Variants in PLEK observed in about 807,000 individuals in gnomAD.
PLEK encodes the protein platelet 47 kDa protein.
PLEK carries 25 observed loss-of-function variants against 43.9 expected under a neutral mutation model. The ratio of observed to expected loss-of-function variants is 0.57; its 90% CI spans 0.41 to 0.79. PLEK has a LOEUF of 0.79. Among genes scored for constraint, PLEK ranks in the 30% least tolerant of loss-of-function variants. The pLI, the probability that PLEK is intolerant of heterozygous loss-of-function variation, is 0.00. For missense variants in PLEK, 396 were observed against 413.3 expected, an observed-to-expected ratio of 0.96 and a Z score of 0.36; for synonymous variants, 152 against 144.4, an observed-to-expected ratio of 1.05 and a Z score of -0.38.
intron 4 of PLEK, among the ~76,000 whole-genome samples, chr2:68,384,912 G>A (rs1241778688): frequency 6.6e-6 from 1 of 152,176 alleles, no homozygotes; most frequent in Admixed American, 6.5e-5. Context: ...AAGAAGAAAT[G>A]CAGTGTCACT....
chr2:68,370,718 T>C (rs1338616154), intron 1 of PLEK, among the ~76,000 whole-genome samples: 1 of 152,166 alleles, frequency 6.6e-6, no homozygotes, highest in African/African-American at 2.4e-5. Context: ...ACTCTTAACC[T>C]CAAGTGATCC....
At chr2:68,377,531 G>A (rs1018075342) in intron 1 of PLEK, among the ~76,000 whole-genome samples, 4 of 152,120 alleles carry the variant, frequency 2.6e-5, no homozygotes, top group African/African-American at 9.7e-5. Context: ...GTGATGTTGA[G>A]CACCTTTTCA....
Position 68,386,640 on chromosome 2 carries a change from C to T in PLEK, c.611C>T (p.Thr204Ile), listed in dbSNP as rs1183596398. ...ATGTCCAAGAGTGCAGTGGATGGAA[C>T]TGCTGAAAACCCTTTCCTGGACAAC... Reference protein sequence around the residue: ...GDMSKSAVDGTAENPFLDNPD... With the variant: ...GDMSKSAVDGIAENPFLDNPD... Residue 204 changes from threonine to isoleucine, a missense_variant, in exon 5 of 9, where the codon ACT (threonine) becomes ATT (isoleucine). Thr to Ile is a moderately conservative substitution (Grantham distance 89). Coordinates refer to ENST00000234313, the MANE Select transcript of PLEK (RefSeq NM_002664.3). The T allele has an allele frequency of 3.1e-6, 5 of 1,613,912 alleles. No individual in the cohort carries two copies. The highest frequency in any genetic ancestry group is 3.4e-6 in the Non-Finnish European group (4 of 1,179,808).
chr2:68,391,596 C>G (rs17035420), intron 6 of PLEK, among the ~76,000 whole-genome samples: 29,034 of 152,154 alleles, frequency 0.19, 3,413 homozygotes, highest in African/African-American at 0.34. Context: ...AGTTCCTTCA[C>G]CAAATGTTTT....
At chr2:68,365,539 T>C (rs578120974) in intron 1 of PLEK, 146 bp downstream of exon 1, 1 of 672,404 alleles carries the variant, frequency 1.5e-6, no homozygotes, top group East Asian at 2.8e-5. Flanking sequence ...GCACATAGAA[T>C]GTTGGAGTGG....
At chr2:68,384,756 G>A (rs546910176) in intron 4 of PLEK, among the ~76,000 whole-genome samples, 46 of 152,238 alleles carry the variant, frequency 3.0e-4, no homozygotes, top group Non-Finnish European at 5.3e-4. Context: ...TGGATGCAAG[G>A]GTTAGAACAC....
chr2:68,365,285 C>T lies in PLEK; in HGVS notation c.-67C>T. The T allele has an allele frequency of 1.4e-6, 2 of 1,399,412 alleles. No individual in the cohort carries two copies. Among genetic ancestry groups the T allele is most frequent in the Non-Finnish European group, 1.0e-6 (1 of 986,468 alleles). 86.7% of individuals were successfully genotyped at this position (1,399,412 alleles called of 1,614,324 possible). ...GGCGGCCCACAGCCACCTCAGCATG[C>T]AGAGGAGGCCCAGCTGCTGAGAGGA... On this transcript the variant is annotated 5_prime_UTR_variant, in exon 1 of 9. It introduces an in-frame stop codon into an upstream open reading frame of the 5' UTR. Coordinates refer to ENST00000234313, the MANE Select transcript of PLEK (RefSeq NM_002664.3).
intron 6 of PLEK, among the ~76,000 whole-genome samples, chr2:68,392,849 C>A (rs1867312): frequency 0.58 from 88,675 of 152,034 alleles, 26,309 homozygotes; most frequent in East Asian, 0.86. Flanking sequence ...GCATCTTAAA[C>A]CTCTTTATTC....
intron 4 of PLEK, among the ~76,000 whole-genome samples, chr2:68,384,812 C>G (rs1673704254): frequency 1.3e-5 from 2 of 152,204 alleles, no homozygotes; most frequent in Admixed American, 1.3e-4. Flanking sequence ...CCTAAGATCA[C>G]TCAGATTCCC....
At chr2:68,375,625 G>A (rs1272459424) in intron 1 of PLEK, among the ~76,000 whole-genome samples, 1 of 152,194 alleles carries the variant, frequency 6.6e-6, no homozygotes, top group Non-Finnish European at 1.5e-5. Flanking sequence ...GTTTGGACAA[G>A]CAAAGTGATA....
At chr2:68,388,245 A>C (rs1673786872) in intron 5 of PLEK, 142 bp from the exon 6 acceptor site, 1 of 584,794 alleles carries the variant, frequency 1.7e-6, no homozygotes, top group South Asian at 2.1e-5. Flanking sequence ...GGACCTTTGA[A>C]GTTCAGATTG....
At chr2:68,394,003 G>T in intron 7 of PLEK, 104 bp from the exon 8 acceptor site, 1 of 757,504 alleles carries the variant, frequency 1.3e-6, no homozygotes, top group Non-Finnish European at 2.4e-6. Flanking sequence ...ATTTTGGGGG[G>T]CCCTGATCTA....
intron 1 of PLEK, among the ~76,000 whole-genome samples, chr2:68,376,144 C>T (rs1469545231): frequency 6.6e-6 from 1 of 152,152 alleles, no homozygotes; most frequent in South Asian, 2.1e-4. Context: ...ATGGGAGACA[C>T]GGCTGTTGGA....
intron 1 of PLEK, among the ~76,000 whole-genome samples, chr2:68,375,528 C>T (rs900168265): frequency 3.3e-5 from 5 of 152,240 alleles, no homozygotes; most frequent in South Asian, 2.1e-4. Context: ...ATCCAGTGTT[C>T]GTCTGGAATA....
chr2:68,381,047 G>C (rs1308359653), intron 3 of PLEK, 143 bp downstream of exon 3: 1 of 720,616 alleles, frequency 1.4e-6, no homozygotes, highest in East Asian at 2.6e-5. Flanking sequence ...GTACTAAAAT[G>C]TTTACCTGGG....
At chr2:68,369,947 C>T (rs760757985) in intron 1 of PLEK, among the ~76,000 whole-genome samples, 1 of 150,790 alleles carries the variant, frequency 6.6e-6, no homozygotes, top group Admixed American at 6.7e-5. Context: ...AGACTAGTTC[C>T]TTTGCCTTCA....
chr2:68,382,160 T>G (rs1431449299), intron 3 of PLEK, among the ~76,000 whole-genome samples: 2 of 152,166 alleles, frequency 1.3e-5, no homozygotes, highest in East Asian at 3.9e-4. Flanking sequence ...ATATGAGGAT[T>G]GAGGGACATT....
intron 6 of PLEK, among the ~76,000 whole-genome samples, chr2:68,391,564 A>G (rs1198413132): frequency 6.6e-6 from 1 of 152,234 alleles, no homozygotes; most frequent in African/African-American, 2.4e-5. Context: ...TCCTTCAGGA[A>G]GTAGAAAGTT....
At chr2:68,375,861 A>G (rs1673491971) in intron 1 of PLEK, among the ~76,000 whole-genome samples, 1 of 152,224 alleles carries the variant, frequency 6.6e-6, no homozygotes, top group South Asian at 2.1e-4. Context: ...TGTTTTAATC[A>G]GAATGGTCAA....
Sources: allele counts gnomAD v4.1 joint callset (sites outside exome capture counted in the v4.1 genomes callset), GRCh38; gene constraint gnomAD v4.1.1; transcripts MANE v1.5; gene names NCBI Gene and HGNC (gene_info 2026-07-23, HGNC 2026-07-21).